The following ZNF69 variants were observed in gnomAD, a reference collection of about 807,000 sequenced individuals.
ZNF69 encodes ZNF3.
A neutral mutation model predicts 50.9 loss-of-function variants in ZNF69; 47 were observed. The observed-to-expected ratio is 0.92, with a 90% confidence interval of 0.73 to 1.18. The LOEUF (loss-of-function observed/expected upper bound fraction) is 1.18, where lower values mean the gene tolerates loss of function less well. ZNF69 is among the 50% of genes most tolerant of loss of function. The pLI is 0.00. For missense variants in ZNF69, 717 were observed against 675.1 expected (o/e 1.06, Z -0.69); for synonymous variants, 216 against 223.1 (o/e 0.97, Z 0.29).
the ZNF69 span, chr19:11,977,578 ACTAAGTCTGAGGG>A: frequency 9.1e-7 from 1 of 1,094,030 alleles, no homozygotes; most frequent in Non-Finnish European, 1.3e-6. Context: ...TTTACATGTG[ACTAAGTCTGAGGG>A]CTCACTCCTG....
the ZNF69 span, chr19:11,925,171 G>C: frequency 6.2e-7 from 1 of 1,609,080 alleles, no homozygotes; most frequent in Non-Finnish European, 8.5e-7. Context: ...GAGGGACCTG[G>C]TGCCTGTACC....
the ZNF69 span, chr19:11,949,413 G>A: frequency 6.2e-7 from 1 of 1,613,214 alleles, no homozygotes; most frequent in Non-Finnish European, 8.5e-7. Flanking sequence ...ACCTTCGAGT[G>A]CATGGTAGGA....
chr19:11,887,846 G>A lies in ZNF69; in HGVS notation c.-78G>A, dbSNP rs1415082398. ...TCACCTTTGTCCCTGCGCGGGCTGC[G>A]GCTGGGATCCGGTCTTTCCAGCCCC... On this transcript the variant is annotated 5_prime_UTR_variant, in exon 1 of 4. Coordinates refer to ENST00000429654, the MANE Select transcript of ZNF69 (RefSeq NM_001364730.1). The A allele has an allele frequency of 7.3e-7, 1 of 1,369,730 alleles. No individual in the cohort carries two copies. The highest frequency in any genetic ancestry group is 1.2e-5 in the South Asian group (1 of 84,532). The allele number at this position is 1,369,730 out of a possible 1,614,324, so 84.8% of individuals were successfully genotyped here.
At chr19:11,910,486 G>A (rs1972441878), downstream of ZNF69, among the ~76,000 whole-genome samples, 3 of 152,100 alleles carry the variant, frequency 2.0e-5, no homozygotes, top group South Asian at 6.2e-4. Context: ...TAGACCAATG[G>A]AACAGAATAG....
chr19:11,911,365 C>A (rs932403180), downstream of ZNF69, among the ~76,000 whole-genome samples: 13 of 152,276 alleles, frequency 8.5e-5, no homozygotes, highest in African/African-American at 3.1e-4. Flanking sequence ...TATAAAGACA[C>A]ATGCACACGT....
At chr19:11,978,464 C>A in the ZNF69 span, 1 of 1,614,144 alleles carries the variant, frequency 6.2e-7, no homozygotes, top group South Asian at 1.1e-5. Context: ...GTGGAAAAAC[C>A]TTTATTTCCC....
At chr19:11,955,634 G>T in the ZNF69 span, among the ~76,000 whole-genome samples, 1 of 152,050 alleles carries the variant, frequency 6.6e-6, no homozygotes, top group Admixed American at 6.6e-5. Flanking sequence ...GCTTAGCTTT[G>T]GGAATGCTGC....
chr19:11,934,805 C>T, the ZNF69 span, among the ~76,000 whole-genome samples: 3 of 147,892 alleles, frequency 2.0e-5, no homozygotes, highest in Non-Finnish European at 4.4e-5. Context: ...GGATTACAGG[C>T]GTGAGCCACT....
the ZNF69 span, chr19:11,925,256 T>A: frequency 6.2e-7 from 1 of 1,612,666 alleles, no homozygotes. Flanking sequence ...CCCCGGTACA[T>A]CTGAAAGCCG....
At chr19:11,948,470 C>A in the ZNF69 span, 1 of 1,614,098 alleles carries the variant, frequency 6.2e-7, no homozygotes, top group Non-Finnish European at 8.5e-7. Flanking sequence ...AGAGGTGACA[C>A]TGGACACAAG....
At chr19:11,902,262 G>A (rs1018774930) in intron 1 of ZNF69, among the ~76,000 whole-genome samples, 7 of 151,760 alleles carry the variant, frequency 4.6e-5, no homozygotes, top group African/African-American at 7.3e-5. Context: ...GATTACAGGC[G>A]TCAGCCACCA....
chr19:11,953,670 C>T, the ZNF69 span, among the ~76,000 whole-genome samples: 1 of 152,160 alleles, frequency 6.6e-6, no homozygotes, highest in Non-Finnish European at 1.5e-5. Flanking sequence ...GTGGGACCCT[C>T]TCATGGGAGG....
intron 1 of ZNF69, among the ~76,000 whole-genome samples, chr19:11,902,261 C>G (rs1007308074): frequency 6.6e-6 from 1 of 152,148 alleles, no homozygotes; most frequent in Non-Finnish European, 1.5e-5. Context: ...GGATTACAGG[C>G]GTCAGCCACC....
the ZNF69 span, among the ~76,000 whole-genome samples, chr19:11,924,864 G>A: frequency 6.6e-6 from 1 of 152,236 alleles, no homozygotes; most frequent in Middle Eastern, 3.2e-3. Context: ...GATGACGCTA[G>A]TGTTCTCTTC....
chr19:11,927,422 T>TTAAA, the ZNF69 span, among the ~76,000 whole-genome samples: 42,869 of 142,868 alleles, frequency 0.3, 6,540 homozygotes, highest in Non-Finnish European at 0.32. Context: ...CTGTCTCTAT[T>TTAAA]TAAATAAATA....
intron 1 of ZNF69, among the ~76,000 whole-genome samples, chr19:11,892,588 A>T (rs1003205632): frequency 2.0e-5 from 3 of 152,084 alleles, no homozygotes; most frequent in Non-Finnish European, 4.4e-5. Context: ...GTGAGATGCC[A>T]TCTCAATTGT....
At chr19:11,954,996 ATT>A in the ZNF69 span, among the ~76,000 whole-genome samples, 244 of 101,682 alleles carry the variant, frequency 2.4e-3, 1 homozygote, top group Middle Eastern at 6.5e-3. Flanking sequence ...TTTCAAAAAA[ATT>A]TTTTTTTTTT....
At chr19:11,916,079 C>T (rs1207798684), downstream of ZNF69, among the ~76,000 whole-genome samples, 2 of 152,130 alleles carry the variant, frequency 1.3e-5, no homozygotes, top group African/African-American at 4.8e-5. Flanking sequence ...ATGCCCTCTG[C>T]AAGTGATAGT....
At chr19:11,924,918 G>A in the ZNF69 span, 1 of 371,760 alleles carries the variant, frequency 2.7e-6, no homozygotes, top group Non-Finnish European at 5.1e-6. Context: ...CCAATAACCA[G>A]AGTGCAGAAA....
Sources: gnomAD v4.1 joint callset for allele counts (sites outside exome capture counted in the v4.1 genomes callset) on GRCh38, gnomAD v4.1.1 for gene constraint, MANE v1.5 for transcripts, NCBI Gene and HGNC (gene_info 2026-07-23, HGNC 2026-07-21) for gene names.